Variants in ECPAS observed in about 807,000 individuals in gnomAD.
ECPAS encodes proteasome adapter and scaffold protein ECM29.
In ECPAS, 70 loss-of-function variants were observed where a neutral mutation model predicts 255.1. That is an observed-to-expected ratio of 0.27 (90% CI 0.23 to 0.33). The LOEUF is 0.33. Among genes scored for constraint, ECPAS ranks in the 10% least tolerant of loss-of-function variants. The pLI, the probability that ECPAS is intolerant of heterozygous loss-of-function variation, is 1.00. For missense variants in ECPAS, 1,817 were observed against 2,206.4 expected (o/e 0.82, Z 3.54); for synonymous variants, 784 against 775.0 (o/e 1.01, Z -0.19).
intron 3 of ECPAS, among the ~76,000 whole-genome samples, chr9:111,449,515 G>T (rs934744611): frequency 6.6e-5 from 10 of 151,598 alleles, no homozygotes; most frequent in African/African-American, 2.4e-4. Context: ...TTTTAAAAAA[G>T]AATAATAGTA....
intron 15 of ECPAS, among the ~76,000 whole-genome samples, chr9:111,420,885 A>G (rs1438145470): frequency 6.6e-6 from 1 of 152,242 alleles, no homozygotes; most frequent in Admixed American, 6.5e-5. Flanking sequence ...CCTAAATTAC[A>G]TAACTAACCT....
chr9:111,417,076 C>CA (rs1409350611), intron 17 of ECPAS, among the ~76,000 whole-genome samples: 2 of 151,774 alleles, frequency 1.3e-5, no homozygotes, highest in South Asian at 2.1e-4. Flanking sequence ...TCTGTCTCTA[C>CA]AAAAAATAAA....
In ECPAS at chr9:111,434,621, C is replaced by T. The variant is rs181192748; in HGVS notation, c.709-1249G>A. ...TTTTTTTTTTTTGAGACAGAGTCTCCCTCTGTCGCCCAGGCTGGAGTGCAG... is the reference window on the plus strand; with the variant it reads ...TTTTTTTTTTTTGAGACAGAGTCTCTCTCTGTCGCCCAGGCTGGAGTGCAG... On this transcript the variant is annotated intron_variant, in intron 7 of 49. Coordinates refer to ENST00000684092, the MANE Select transcript of ECPAS (RefSeq NM_001364929.1). Among the ~76,000 whole-genome samples, 399 of 145,728 alleles carry T rather than the reference C, an allele frequency of 2.7e-3. 3 individuals carry two copies. The highest frequency in any genetic ancestry group is 9.8e-3 in the African/African-American group (386 of 39,242).
intron 7 of ECPAS, among the ~76,000 whole-genome samples, chr9:111,434,118 T>C (rs2098234149): frequency 6.6e-6 from 1 of 152,154 alleles, no homozygotes; most frequent in African/African-American, 2.4e-5. Flanking sequence ...TTTTTACATA[T>C]ACTAGGATTA....
Position 111,416,260 on chromosome 9 carries a change from T to C in ECPAS, c.1764+12A>G, listed in dbSNP as rs750011479. The C allele has an allele frequency of 2.5e-6, 4 of 1,594,954 alleles. No individual in the cohort carries two copies. Among genetic ancestry groups the C allele is most frequent in the Non-Finnish European group, 8.6e-7 (1 of 1,162,814 alleles). On this transcript the variant is annotated intron_variant, in intron 18 of 49. Transcript: ENST00000684092. Reference sequence around the variant, plus strand: ...CTTACAAAAAGTAAATAGAAATATATGAAAGTTCTACCTCTCCAAAGGCTG... The same window carrying C: ...CTTACAAAAAGTAAATAGAAATATACGAAAGTTCTACCTCTCCAAAGGCTG...
At chr9:111,441,445 C>A (rs528310848) in intron 5 of ECPAS, among the ~76,000 whole-genome samples, 5 of 151,878 alleles carry the variant, frequency 3.3e-5, no homozygotes, top group African/African-American at 1.2e-4. Flanking sequence ...GCAGAGGTTG[C>A]AGTGAGCCAA....
At chr9:111,432,893 G>A (rs1275713505) in intron 8 of ECPAS, among the ~76,000 whole-genome samples, 2 of 151,926 alleles carry the variant, frequency 1.3e-5, no homozygotes, top group Admixed American at 6.6e-5. Context: ...AAGTAATCTC[G>A]AATGGTTTGA....
chr9:111,362,195 CA>C (rs3832629), intron 49 of ECPAS, 26 bp from the exon 50 acceptor site: 33,784 of 1,455,096 alleles, frequency 0.023, 1,462 homozygotes, highest in African/African-American at 0.16. Flanking sequence ...AAAACAAAAA[CA>C]AAAAAAACAA....
In ECPAS at chr9:111,484,214, C is replaced by T. The variant is rs927090844; in HGVS notation, c.-181G>A. The stretch of plus-strand genomic sequence containing the variant: ...TTCGGCGGGCCGGGCCCCGGGGAGC[C>T]GCGCGCCGCAGTCCGTGAGGGGCTG... On this transcript the variant is annotated 5_prime_UTR_variant, in exon 1 of 50. Coordinates refer to ENST00000684092, the MANE Select transcript of ECPAS (RefSeq NM_001364929.1). The T allele has an allele frequency of 1.4e-6, 2 of 1,470,544 alleles. No homozygotes were observed. The highest frequency in any genetic ancestry group is 1.5e-5 in the African/African-American group (1 of 67,466). 91.1% of individuals were successfully genotyped at this position (1,470,544 alleles called of 1,614,324 possible). A position where few individuals can be genotyped will look rare whatever the true frequency, so the allele number is the denominator to read the frequency against.
intron 25 of ECPAS, 135 bp from the exon 26 acceptor site, chr9:111,394,440 T>A: frequency 1.3e-6 from 1 of 767,476 alleles, no homozygotes; most frequent in Non-Finnish European, 1.9e-6. Context: ...GTGTTTAAAG[T>A]TGCTGAAGGA....
At chr9:111,381,998 A>C (rs949350216) in intron 35 of ECPAS, among the ~76,000 whole-genome samples, 2 of 138,826 alleles carry the variant, frequency 1.4e-5, no homozygotes, top group African/African-American at 5.7e-5. Context: ...GTTCACGTTC[A>C]ATTTTGTAAA....
intron 15 of ECPAS, among the ~76,000 whole-genome samples, chr9:111,421,190 T>G (rs569107385): frequency 2.0e-4 from 30 of 152,288 alleles, no homozygotes; most frequent in Admixed American, 3.9e-4. Flanking sequence ...TAATAGCACA[T>G]TTAACCCTGT....
intron 15 of ECPAS, among the ~76,000 whole-genome samples, chr9:111,420,773 AAG>A (rs1200198197): frequency 6.6e-6 from 1 of 152,208 alleles, no homozygotes; most frequent in Non-Finnish European, 1.5e-5. Context: ...TAAGTGAAAT[AAG>A]AGAGACATTA....
chr9:111,415,788 T>C (rs966236531), intron 18 of ECPAS, among the ~76,000 whole-genome samples: 7 of 152,112 alleles, frequency 4.6e-5, no homozygotes, highest in Admixed American at 1.3e-4. Flanking sequence ...AGCTTTTTCA[T>C]TGATCGTTAA....
intron 46 of ECPAS, among the ~76,000 whole-genome samples, chr9:111,368,422 A>G (rs2098123316): frequency 6.6e-6 from 1 of 152,194 alleles, no homozygotes; most frequent in Admixed American, 6.6e-5. Flanking sequence ...TAGAGCTATG[A>G]TCATCAAGAA....
At chr9:111,391,659 G>T in intron 29 of ECPAS, 97 bp downstream of exon 29, 1 of 747,868 alleles carries the variant, frequency 1.3e-6, no homozygotes, top group Non-Finnish European at 2.3e-6. Context: ...TTCCTAAGAG[G>T]GTAGAAATCA....
chr9:111,445,644 G>A (rs891614176), intron 3 of ECPAS, among the ~76,000 whole-genome samples: 3 of 152,074 alleles, frequency 2.0e-5, no homozygotes, highest in Non-Finnish European at 2.9e-5. Context: ...AAAATACTGA[G>A]GCATTTTTAT....
chr9:111,408,816 C>G, intron 23 of ECPAS, 144 bp from the exon 24 acceptor site: 4 of 484,444 alleles, frequency 8.3e-6, no homozygotes, highest in Non-Finnish European at 1.5e-5. Flanking sequence ...TCAAATTTTA[C>G]AGTCGTATGT....
At chr9:111,383,730 G>A (rs1226904771) in intron 34 of ECPAS, among the ~76,000 whole-genome samples, 1 of 152,070 alleles carries the variant, frequency 6.6e-6, no homozygotes, top group African/African-American at 2.4e-5. Flanking sequence ...AGACCAGCCT[G>A]GGCAACATGA....
Sources: gnomAD v4.1 joint callset for allele counts (sites outside exome capture counted in the v4.1 genomes callset) on GRCh38, gnomAD v4.1.1 for gene constraint, MANE v1.5 for transcripts, NCBI Gene and HGNC (gene_info 2026-07-23, HGNC 2026-07-21) for gene names.